Variants in EPHA6 observed in about 807,000 individuals in gnomAD.
EPHA6 encodes ephrin type-A receptor 6.
Under a neutral mutation model 112.0 loss-of-function variants are expected in EPHA6, and 50 were observed. The observed-to-expected ratio is 0.45, with a 90% CI of 0.36 to 0.56. The LOEUF (loss-of-function observed/expected upper bound fraction) is 0.56. EPHA6 is among the 20% of genes least tolerant of loss of function. The probability of loss-of-function intolerance (pLI) is 0.00; values close to 1 mark genes in which losing one functional copy is unlikely to be tolerated. For missense variants in EPHA6, 1,280 were observed against 1,417.4 expected (o/e 0.90, Z 1.56); for synonymous variants, 529 against 490.7 (o/e 1.08, Z -1.03).
At chr3:97,385,636 T>C (rs890068381) in intron 5 of EPHA6, among the ~76,000 whole-genome samples, 2 of 152,110 alleles carry the variant, frequency 1.3e-5, no homozygotes, top group African/African-American at 4.8e-5. Flanking sequence ...CTCAAACTAC[T>C]ATAAAGACAT....
chr3:97,327,221 T>C (rs1477235380), intron 5 of EPHA6, among the ~76,000 whole-genome samples: 1 of 152,112 alleles, frequency 6.6e-6, no homozygotes, highest in African/African-American at 2.4e-5. Context: ...CCATCTCTTA[T>C]ATATTTACTA....
In EPHA6 at chr3:97,757,244, G is replaced by GT. The variant is rs1347320549; in HGVS notation, c.*8544dup. ...AAAGTATGTCACAGTACTCTTACTG[G>GT]TAATTTTGAAACTAAAGTGCATTTC... On this transcript the variant is annotated 3_prime_UTR_variant, in exon 18 of 18. Transcript: ENST00000389672. 6.6e-6 allele frequency among the ~76,000 whole-genome samples: 1 copy of GT among 151,734 alleles called. No homozygotes were observed. The highest frequency in any genetic ancestry group is 1.5e-5 in the Non-Finnish European group (1 of 67,730).
At chr3:97,370,118 A>G (rs992938005) in intron 5 of EPHA6, among the ~76,000 whole-genome samples, 1 of 152,134 alleles carries the variant, frequency 6.6e-6, no homozygotes, top group African/African-American at 2.4e-5. Flanking sequence ...AGCAAAATCA[A>G]CTCAAATTGA....
At chr3:96,818,681 T>C (rs1000890698) in intron 1 of EPHA6, among the ~76,000 whole-genome samples, 1 of 152,084 alleles carries the variant, frequency 6.6e-6, no homozygotes, top group Middle Eastern at 3.4e-3. Flanking sequence ...TGTTCTTATA[T>C]TTATAGAAAT....
At chr3:97,427,729 G>A (rs1306776651) in intron 6 of EPHA6, among the ~76,000 whole-genome samples, 1 of 151,898 alleles carries the variant, frequency 6.6e-6, no homozygotes, top group African/African-American at 2.4e-5. Context: ...GGAATATGAT[G>A]CAGCCATTAA....
intron 7 of EPHA6, among the ~76,000 whole-genome samples, chr3:97,450,786 A>G (rs1331793357): frequency 1.3e-5 from 2 of 152,070 alleles, no homozygotes; most frequent in East Asian, 3.9e-4. Flanking sequence ...ATAAGAGCTA[A>G]TAGCCTATGC....
At chr3:97,593,645 C>T (rs969953597) in intron 12 of EPHA6, among the ~76,000 whole-genome samples, 1 of 152,148 alleles carries the variant, frequency 6.6e-6, no homozygotes, top group Non-Finnish European at 1.5e-5. Flanking sequence ...CCAATAAAAA[C>T]AAAAATCCCA....
intron 14 of EPHA6, among the ~76,000 whole-genome samples, chr3:97,670,447 T>C (rs982022258): frequency 1.3e-5 from 2 of 152,232 alleles, no homozygotes; most frequent in African/African-American, 2.4e-5. Context: ...TTTTCTTTTA[T>C]GTCTTCTGAC....
chr3:96,944,287 C>T (rs1425952927), intron 2 of EPHA6, among the ~76,000 whole-genome samples: 2 of 152,064 alleles, frequency 1.3e-5, no homozygotes, highest in African/African-American at 4.8e-5. Flanking sequence ...ATAATAGCCA[C>T]CTCTTTTTTT....
At chr3:97,423,858 G>A (rs1267597046) in intron 6 of EPHA6, among the ~76,000 whole-genome samples, 1 of 152,098 alleles carries the variant, frequency 6.6e-6, no homozygotes, top group Middle Eastern at 3.2e-3. Context: ...CACACCTATG[G>A]CCATCTGATC....
chr3:96,821,586 C>T (rs1324916442), intron 1 of EPHA6, among the ~76,000 whole-genome samples: 2 of 151,640 alleles, frequency 1.3e-5, no homozygotes, highest in East Asian at 3.9e-4. Flanking sequence ...ACTTTTTTCT[C>T]CCAGAATATA....
chr3:97,677,269 GATA>G (rs1171027681), intron 14 of EPHA6, among the ~76,000 whole-genome samples: 2 of 151,690 alleles, frequency 1.3e-5, no homozygotes, highest in Middle Eastern at 3.4e-3. Context: ...ATGTTGAAAT[GATA>G]ATATTTAAAT....
In EPHA6 at chr3:97,712,277, C is replaced by T. The variant is rs970267843; in HGVS notation, c.2785-7984C>T. ...AGGCTGGGGTAGGTAGTCTTCTGTA[C>T]AGCTGGGTTTAAAAAAGTGAGAGAG... On this transcript the variant is annotated intron_variant, in intron 14 of 17. Transcript: ENST00000389672. Among the ~76,000 whole-genome samples the T allele has an allele frequency of 2.0e-5, 3 of 151,972 alleles. 1 individual carries two copies. The highest frequency in any genetic ancestry group is 7.3e-5 in the African/African-American group (3 of 41,368).
chr3:97,577,506 TAA>T (rs916579987), intron 11 of EPHA6, among the ~76,000 whole-genome samples: 2 of 149,948 alleles, frequency 1.3e-5, no homozygotes, highest in Non-Finnish European at 1.5e-5. Context: ...GCTTATGAAT[TAA>T]AAAAAAAATC....
At chr3:97,500,293 T>TAAA (rs560635309) in intron 10 of EPHA6, among the ~76,000 whole-genome samples, 1 of 151,388 alleles carries the variant, frequency 6.6e-6, no homozygotes, top group African/African-American at 2.4e-5. Context: ...ATTTTTTTTT[T>TAAA]AAAAAAAGAG....
intron 3 of EPHA6, among the ~76,000 whole-genome samples, chr3:97,017,280 A>G (rs2044296740): frequency 6.6e-6 from 1 of 152,168 alleles, no homozygotes; most frequent in Non-Finnish European, 1.5e-5. Flanking sequence ...GCTCAGAGTG[A>G]GAATCTGTGT....
intron 5 of EPHA6, among the ~76,000 whole-genome samples, chr3:97,386,404 A>G (rs2086071235): frequency 6.6e-6 from 1 of 152,202 alleles, no homozygotes; most frequent in African/African-American, 2.4e-5. Context: ...AAATTAGCCA[A>G]AACAAAGGGG....
At chr3:97,159,564 G>T (rs2076365954) in intron 3 of EPHA6, among the ~76,000 whole-genome samples, 1 of 152,064 alleles carries the variant, frequency 6.6e-6, no homozygotes, top group South Asian at 2.1e-4. Flanking sequence ...TATATTGGAT[G>T]CTGATTCAGA....
At chr3:97,154,165 CAA>C (rs527904988) in intron 3 of EPHA6, among the ~76,000 whole-genome samples, 20 of 109,148 alleles carry the variant, frequency 1.8e-4, no homozygotes, top group East Asian at 2.6e-4. Flanking sequence ...AACACTGTCT[CAA>C]AAAAAAAAAA....
Sources: gnomAD v4.1 joint callset for allele counts (sites outside exome capture counted in the v4.1 genomes callset) on GRCh38, gnomAD v4.1.1 for gene constraint, MANE v1.5 for transcripts, NCBI Gene and HGNC (gene_info 2026-07-23, HGNC 2026-07-21) for gene names.